Variants in LAMA2 observed in about 807,000 individuals in gnomAD.
LAMA2 encodes the protein laminin subunit alpha 2.
In LAMA2, 269 loss-of-function variants were observed where a neutral mutation model predicts 364.8. The observed-to-expected ratio is 0.74, with a 90% CI of 0.67 to 0.82. LAMA2 has a LOEUF of 0.82. Ranked by LOEUF, LAMA2 falls within the 40% of genes least tolerant of loss-of-function variation. LAMA2 has a pLI of 0.00. For missense variants in LAMA2, 3,807 were observed against 3,873.2 expected (o/e 0.98, Z 0.45); for synonymous variants, 1,379 against 1,370.6 (o/e 1.01, Z -0.14).
intron 10 of LAMA2, among the ~76,000 whole-genome samples, chr6:129,188,055 T>C (rs998719105): frequency 6.6e-6 from 1 of 151,876 alleles, no homozygotes; most frequent in Non-Finnish European, 1.5e-5. Context: ...CCTTAAGCCT[T>C]ATAGCAAAAA....
chr6:129,388,468 C>T (rs145104280), intron 35 of LAMA2, among the ~76,000 whole-genome samples: 1 of 152,230 alleles, frequency 6.6e-6, no homozygotes, highest in Non-Finnish European at 1.5e-5. Context: ...CCAAAAGATA[C>T]AGCCATATTT....
At position 129,275,724 on chromosome 6, in the gene LAMA2, TAAAAA is replaced by T. The variant is rs5879937; in HGVS notation, c.2451-4326_2451-4322del. Among the ~76,000 whole-genome samples the T allele has an allele frequency of 4.7e-3, 682 of 144,554 alleles. 6 individuals carry two copies. Among genetic ancestry groups the T allele is most frequent in the African/African-American group, 0.017 (657 of 39,784 alleles). The allele number at this position is 144,554 out of a possible 152,430, so 94.8% of individuals were successfully genotyped here. On this transcript the variant is annotated intron_variant, in intron 17 of 64. Transcript: ENST00000421865. ...ATATCTTATTTTGTTTAAAAATTTG[TAAAAA>T]AAAAAAAAAAGGCAAAGTTTTTTAA...
At chr6:128,912,466 A>G (rs1168300124) in intron 1 of LAMA2, among the ~76,000 whole-genome samples, 1 of 152,228 alleles carries the variant, frequency 6.6e-6, no homozygotes, top group Non-Finnish European at 1.5e-5. Context: ...TCATAGGTAT[A>G]TAAAACAGAG....
chr6:129,285,610 T>C (rs1237291716), intron 18 of LAMA2, among the ~76,000 whole-genome samples: 2 of 152,138 alleles, frequency 1.3e-5, no homozygotes, highest in Non-Finnish European at 2.9e-5. Context: ...TCATTGTATA[T>C]CCTTATTCCA....
At chr6:129,046,102 C>T (rs543136709) in intron 1 of LAMA2, among the ~76,000 whole-genome samples, 29 of 152,188 alleles carry the variant, frequency 1.9e-4, no homozygotes, top group Non-Finnish European at 4.1e-4. Flanking sequence ...TAATTTTGCT[C>T]TCCTTTAAAC....
chr6:129,021,677 G>C (rs976903204), intron 1 of LAMA2, among the ~76,000 whole-genome samples: 1 of 152,166 alleles, frequency 6.6e-6, no homozygotes, highest in Non-Finnish European at 1.5e-5. Context: ...TATCCCAGGA[G>C]GAGACTGTAA....
At chr6:128,928,905 T>C in intron 1 of LAMA2, 1 of 716,560 alleles carries the variant, frequency 1.4e-6, no homozygotes, top group East Asian at 2.5e-5. Context: ...GGACCTCTTT[T>C]GGGCATTTCT....
At chr6:129,127,400 C>T (rs1255650720) in intron 4 of LAMA2, among the ~76,000 whole-genome samples, 1 of 152,092 alleles carries the variant, frequency 6.6e-6, no homozygotes, top group Non-Finnish European at 1.5e-5. Flanking sequence ...TGTATGTGTA[C>T]GACGTTTTCT....
chr6:129,495,677 A>G (rs1472591148), intron 58 of LAMA2, among the ~76,000 whole-genome samples: 2 of 152,172 alleles, frequency 1.3e-5, no homozygotes, highest in Non-Finnish European at 2.9e-5. Flanking sequence ...GCCTCCATGG[A>G]TCACCTTACT....
chr6:129,260,467 C>T (rs536106931), intron 14 of LAMA2, among the ~76,000 whole-genome samples: 15 of 152,154 alleles, frequency 9.9e-5, no homozygotes, highest in African/African-American at 1.7e-4. Flanking sequence ...AGCCAAGAGA[C>T]GAGGAAGAAC....
At chr6:129,179,637 C>T (rs1185639078) in intron 10 of LAMA2, among the ~76,000 whole-genome samples, 1 of 151,724 alleles carries the variant, frequency 6.6e-6, no homozygotes, top group Non-Finnish European at 1.5e-5. Flanking sequence ...TCTACACAGA[C>T]AATTAAAATG....
chr6:128,916,990 C>T (rs1048922381), intron 1 of LAMA2, among the ~76,000 whole-genome samples: 1 of 152,030 alleles, frequency 6.6e-6, no homozygotes, highest in Admixed American at 6.6e-5. Flanking sequence ...CCTCTCTTTC[C>T]CCCTGACATT....
chr6:129,162,671 C>A (rs1040339747), intron 8 of LAMA2, among the ~76,000 whole-genome samples: 1 of 151,744 alleles, frequency 6.6e-6, no homozygotes, highest in Non-Finnish European at 1.5e-5. Flanking sequence ...TTATTTGTTT[C>A]TTTGTTCTAT....
intron 1 of LAMA2, among the ~76,000 whole-genome samples, chr6:129,035,141 T>A (rs1303232546): frequency 6.6e-6 from 1 of 152,060 alleles, no homozygotes; most frequent in Non-Finnish European, 1.5e-5. Flanking sequence ...ACCTCACCGA[T>A]ATCTAATATT....
intron 28 of LAMA2, among the ~76,000 whole-genome samples, chr6:129,322,363 T>C (rs1197985002): frequency 6.6e-6 from 1 of 152,218 alleles, no homozygotes; most frequent in Non-Finnish European, 1.5e-5. Flanking sequence ...ACTGAGACTG[T>C]GTGGCACATA....
At chr6:129,057,847 C>A (rs3813370) in intron 2 of LAMA2, among the ~76,000 whole-genome samples, 144,899 of 152,246 alleles carry the variant, frequency 0.95, 69,031 homozygotes, top group East Asian at 0.97. Flanking sequence ...TGATTTGTTC[C>A]TTATGTGAGG....
chr6:129,078,955 G>A (rs1773845504), intron 3 of LAMA2, among the ~76,000 whole-genome samples: 1 of 152,156 alleles, frequency 6.6e-6, no homozygotes, highest in Non-Finnish European at 1.5e-5. Flanking sequence ...CTTCCACGTT[G>A]TAGCATATAT....
In LAMA2 at chr6:129,507,651, C is replaced by T. The variant is rs1371371378; in HGVS notation, c.8857+9C>T. On this transcript the variant is annotated intron_variant, in intron 62 of 64. Coordinates refer to ENST00000421865, the MANE Select transcript of LAMA2 (RefSeq NM_000426.4). ...CGGTTTTGCCAAAGCAGGTAAGGCTCTTTCATTTCCTTCCTGTTGATTATT... is the reference window on the plus strand; with the variant it reads ...CGGTTTTGCCAAAGCAGGTAAGGCTTTTTCATTTCCTTCCTGTTGATTATT... The T allele has an allele frequency of 1.2e-6, 2 of 1,613,490 alleles. No homozygotes were observed. Among genetic ancestry groups the T allele is most frequent in the Non-Finnish European group, 1.7e-6 (2 of 1,179,524 alleles).
intron 29 of LAMA2, among the ~76,000 whole-genome samples, chr6:129,333,195 A>G (rs1332751759): frequency 3.9e-5 from 6 of 152,052 alleles, no homozygotes; most frequent in Non-Finnish European, 8.8e-5. Context: ...CCTGGCCTAT[A>G]ATACTATTAT....
Sources: allele counts gnomAD v4.1 joint callset (sites outside exome capture counted in the v4.1 genomes callset), GRCh38; gene constraint gnomAD v4.1.1; transcripts MANE v1.5; gene names NCBI Gene and HGNC (gene_info 2026-07-23, HGNC 2026-07-21).